RTN4RL1: variants seen among roughly 807,000 people sequenced by gnomAD.
The protein encoded by RTN4RL1 is reticulon 4 receptor like 1.
RTN4RL1 carries 7 observed loss-of-function variants against 25.6 expected under a neutral mutation model. The ratio of observed to expected loss-of-function variants is 0.27; its 90% CI spans 0.16 to 0.51. The LOEUF (loss-of-function observed/expected upper bound fraction) is 0.51. Ranked by LOEUF, RTN4RL1 falls within the 20% of genes least tolerant of loss-of-function variation. The pLI is 0.97. For missense variants in RTN4RL1, 500 were observed against 615.6 expected (o/e 0.81, Z 1.99); for synonymous variants, 297 against 288.2 (o/e 1.03, Z -0.31).
intron 1 of RTN4RL1, among the ~76,000 whole-genome samples, chr17:1,980,463 G>A (rs1465620551): frequency 6.6e-6 from 1 of 151,974 alleles, no homozygotes; most frequent in Non-Finnish European, 1.5e-5. Flanking sequence ...TAAAAGCTTC[G>A]GCTATTCGGT....
chr17:1,937,863 A>C (rs1597484167), intron 1 of RTN4RL1, 55 bp from the exon 2 acceptor site: 1 of 1,371,776 alleles, frequency 7.3e-7, no homozygotes, highest in Non-Finnish European at 9.9e-7. Flanking sequence ...GAGGACTGGC[A>C]CCGCACCCTC....
chr17:1,938,578 G>A (rs1350450089), intron 1 of RTN4RL1, among the ~76,000 whole-genome samples: 2 of 151,878 alleles, frequency 1.3e-5, no homozygotes, highest in Non-Finnish European at 2.9e-5. Flanking sequence ...GATTACAGGT[G>A]TGAGCCACCG....
rs987447917 is a variant in RTN4RL1 at position 1,994,048 on chromosome 17, C to T, written c.13+30805G>A. ...AACAAAGCCCCCCAGTCCCCACCCCCGGCTACGCTGAACCACCCCGTTCCT... is the reference window on the plus strand; with the variant it reads ...AACAAAGCCCCCCAGTCCCCACCCCTGGCTACGCTGAACCACCCCGTTCCT... On this transcript the variant is annotated intron_variant, in intron 1 of 1. Coordinates refer to ENST00000331238, the MANE Select transcript of RTN4RL1 (RefSeq NM_178568.4). This position sits in a 1 kb window ranked among gnomAD's most constrained non-coding sequence, Gnocchi z 4.3. Among the ~76,000 whole-genome samples, 3 of 152,134 alleles carry T rather than the reference C, an allele frequency of 2.0e-5. No homozygotes were observed. Among genetic ancestry groups the T allele is most frequent in the Non-Finnish European group, 2.9e-5 (2 of 68,040 alleles).
At chr17:1,969,512 C>T (rs568662937) in intron 1 of RTN4RL1, among the ~76,000 whole-genome samples, 2 of 152,154 alleles carry the variant, frequency 1.3e-5, no homozygotes, top group African/African-American at 2.4e-5. Context: ...CTCCCCTAGC[C>T]GATCACAGTG....
intron 1 of RTN4RL1, among the ~76,000 whole-genome samples, chr17:1,978,334 G>A (rs1268837776): frequency 1.3e-5 from 2 of 152,244 alleles, no homozygotes; most frequent in African/African-American, 4.8e-5. Flanking sequence ...GAATGGGGAC[G>A]GGAGGCACCT....
intron 1 of RTN4RL1, among the ~76,000 whole-genome samples, chr17:1,992,014 C>T (rs1490245028): frequency 6.6e-6 from 1 of 152,096 alleles, no homozygotes; most frequent in African/African-American, 2.4e-5. Context: ...ACACACAGTC[C>T]CCCAGATCCT....
At chr17:1,975,251 A>G (rs1440317388) in intron 1 of RTN4RL1, among the ~76,000 whole-genome samples, 1 of 152,204 alleles carries the variant, frequency 6.6e-6, no homozygotes, top group East Asian at 1.9e-4. Flanking sequence ...CCAAACACCC[A>G]CCCAGAAATG....
chr17:1,983,763 A>G (rs2066877014), intron 1 of RTN4RL1, among the ~76,000 whole-genome samples: 1 of 150,950 alleles, frequency 6.6e-6, no homozygotes, highest in Non-Finnish European at 1.5e-5. Flanking sequence ...GATGGTCTCG[A>G]ACTCCTGGGC....
At chr17:1,973,192 G>A (rs567029751) in intron 1 of RTN4RL1, among the ~76,000 whole-genome samples, 13 of 151,830 alleles carry the variant, frequency 8.6e-5, no homozygotes, top group African/African-American at 1.7e-4. Flanking sequence ...GCAAAACCCC[G>A]TCTCTACTAA....
In RTN4RL1 at chr17:1,994,158, G is replaced by A. The variant is rs1214334657; in HGVS notation, c.13+30695C>T. On this transcript the variant is annotated intron_variant, in intron 1 of 1. Coordinates refer to ENST00000331238, the MANE Select transcript of RTN4RL1 (RefSeq NM_178568.4). This position sits in a 1 kb window ranked among gnomAD's most constrained non-coding sequence, Gnocchi z 4.3. ...AGTCTCTGGAGTAAGATCTCATTTT[G>A]CTGCCTCTGAGAAGAGTGTGCCCAG... Among the ~76,000 whole-genome samples the A allele has an allele frequency of 6.6e-6, 1 of 152,098 alleles. No individual in the cohort carries two copies.
chr17:1,964,894 T>G (rs1454308743), intron 1 of RTN4RL1, among the ~76,000 whole-genome samples: 1 of 148,342 alleles, frequency 6.7e-6, no homozygotes, highest in African/African-American at 2.5e-5. Flanking sequence ...GTTCAAGAGA[T>G]TCTCTTGCCT....
chr17:1,943,258 C>T (rs763301978), intron 1 of RTN4RL1, among the ~76,000 whole-genome samples: 1 of 152,250 alleles, frequency 6.6e-6, no homozygotes, highest in Middle Eastern at 3.2e-3. Context: ...GAGCAGGCCT[C>T]AACCCAGCTG....
intron 1 of RTN4RL1, among the ~76,000 whole-genome samples, chr17:1,999,434 A>G (rs1395976277): frequency 6.9e-6 from 1 of 144,284 alleles, no homozygotes; most frequent in African/African-American, 2.6e-5. Flanking sequence ...CAACAGAGCA[A>G]GACTCCGTCT....
intron 1 of RTN4RL1, among the ~76,000 whole-genome samples, chr17:2,004,070 C>CAAAAAAAAAAAA (rs1193483666): frequency 7.2e-6 from 1 of 139,110 alleles, no homozygotes; most frequent in African/African-American, 2.7e-5. Context: ...GACCCTGTCT[C>CAAAAAAAAAAAA]AAAAAAACAA....
chr17:2,020,797 G>A (rs1487556338), intron 1 of RTN4RL1: 1 of 152,204 alleles, frequency 6.6e-6, no homozygotes, highest in Non-Finnish European at 1.5e-5. Context: ...AAAACTTTAA[G>A]GAAAGGTTCT....
At chr17:1,988,518 A>G (rs758408862) in intron 1 of RTN4RL1, among the ~76,000 whole-genome samples, 2 of 86,674 alleles carry the variant, frequency 2.3e-5, no homozygotes, top group East Asian at 2.3e-4. Flanking sequence ...AAAAAAAAAA[A>G]AAAAGAAAAG....
intron 1 of RTN4RL1, among the ~76,000 whole-genome samples, chr17:1,958,239 G>C (rs1283872413): frequency 6.6e-6 from 1 of 152,096 alleles, no homozygotes; most frequent in Non-Finnish European, 1.5e-5. Context: ...GTCCAAAATG[G>C]TGGAGTCAAG....
chr17:2,016,418 AC>A (rs1290181448), intron 1 of RTN4RL1, among the ~76,000 whole-genome samples: 1 of 152,134 alleles, frequency 6.6e-6, no homozygotes, highest in Non-Finnish European at 1.5e-5. Context: ...ACTTTGAAAG[AC>A]CATTGATCTA....
intron 1 of RTN4RL1, among the ~76,000 whole-genome samples, chr17:1,980,515 C>T (rs566181581): frequency 6.9e-4 from 105 of 152,280 alleles, no homozygotes; most frequent in Admixed American, 6.7e-3. Flanking sequence ...GTGCTTGGCT[C>T]TGCCCTGGGT....
Sources: allele counts gnomAD v4.1 joint callset (sites outside exome capture counted in the v4.1 genomes callset), GRCh38; gene constraint gnomAD v4.1.1; non-coding constraint Gnocchi (gnomAD v3.1); transcripts MANE v1.5; gene names NCBI Gene and HGNC (gene_info 2026-07-23, HGNC 2026-07-21).